The following MEGF11 variants were observed in gnomAD, a reference collection of about 807,000 sequenced individuals.
MEGF11 encodes multiple EGF like domains 11.
Under a neutral mutation model 146.6 loss-of-function variants are expected in MEGF11, and 126 were observed. The observed-to-expected ratio is 0.86, with a 90% CI of 0.74 to 1.00. The LOEUF is 1.00. Among genes scored for constraint, MEGF11 ranks in the 50% least tolerant of loss-of-function variants. The probability of loss-of-function intolerance (pLI) is 0.00; values close to 1 mark genes in which losing one functional copy is unlikely to be tolerated. For missense variants in MEGF11, 1,509 were observed against 1,521.2 expected (o/e 0.99, Z 0.13); for synonymous variants, 532 against 583.4 (o/e 0.91, Z 1.27).
At chr15:65,934,570 A>G (rs2079697473) in intron 10 of MEGF11, among the ~76,000 whole-genome samples, 1 of 152,158 alleles carries the variant, frequency 6.6e-6, no homozygotes, top group Non-Finnish European at 1.5e-5. Context: ...GTCGTTTTGT[A>G]TGCTAATGAC....
chr15:66,127,072 T>A (rs1369536229), intron 2 of MEGF11, among the ~76,000 whole-genome samples: 1 of 152,124 alleles, frequency 6.6e-6, no homozygotes, highest in Non-Finnish European at 1.5e-5. Context: ...CCCTTGATCC[T>A]CCAATGAGCC....
chr15:66,129,403 G>A (rs1461897958), intron 1 of MEGF11, among the ~76,000 whole-genome samples: 5 of 152,208 alleles, frequency 3.3e-5, no homozygotes, highest in Non-Finnish European at 5.9e-5. Flanking sequence ...TGAACGCTGC[G>A]ACTCAGAAAG....
chr15:66,051,151 C>T, intron 5 of MEGF11, among the ~76,000 whole-genome samples: 1 of 152,182 alleles, frequency 6.6e-6, no homozygotes. Flanking sequence ...ACAACAACCC[C>T]ACAAGTTAGG....
chr15:66,251,299 G>C (rs892174205), intron 1 of MEGF11, among the ~76,000 whole-genome samples: 1 of 152,206 alleles, frequency 6.6e-6, no homozygotes, highest in Non-Finnish European at 1.5e-5. Flanking sequence ...CCGAGGATCA[G>C]CTCCTAATCT....
intron 7 of MEGF11, among the ~76,000 whole-genome samples, chr15:65,974,889 G>A (rs371246824): frequency 2.6e-5 from 4 of 151,538 alleles, no homozygotes; most frequent in East Asian, 1.9e-4. Context: ...CTTGTTGCCC[G>A]GGCTGGAGTG....
intron 5 of MEGF11, among the ~76,000 whole-genome samples, chr15:66,022,400 G>A (rs1006283570): frequency 5.9e-5 from 9 of 152,246 alleles, no homozygotes; most frequent in African/African-American, 2.2e-4. Flanking sequence ...ACGTTTTTAA[G>A]AATCTGATGA....
chr15:66,109,411 G>T (rs960579523), intron 4 of MEGF11, among the ~76,000 whole-genome samples: 4 of 152,106 alleles, frequency 2.6e-5, no homozygotes, highest in African/African-American at 9.7e-5. Context: ...GCCAGACGAG[G>T]CCCTCCCTCA....
At chr15:66,157,139 C>G (rs2089789338) in intron 1 of MEGF11, among the ~76,000 whole-genome samples, 1 of 152,164 alleles carries the variant, frequency 6.6e-6, no homozygotes, top group African/African-American at 2.4e-5. Flanking sequence ...GTGCCAGCAG[C>G]TAACAGCTCC....
At chr15:66,060,002 C>G (rs2084836061) in intron 5 of MEGF11, among the ~76,000 whole-genome samples, 1 of 151,706 alleles carries the variant, frequency 6.6e-6, no homozygotes, top group Admixed American at 6.6e-5. Context: ...ACAGGTCAGG[C>G]AGTGGGTGGG....
intron 5 of MEGF11, among the ~76,000 whole-genome samples, chr15:65,985,386 G>A (rs540186183): frequency 6.6e-6 from 1 of 151,972 alleles, no homozygotes; most frequent in African/African-American, 2.4e-5. Context: ...ATACCACAGA[G>A]ACTAGCCACT....
chr15:65,966,885 G>T (rs55639636), intron 8 of MEGF11, among the ~76,000 whole-genome samples: 5 of 151,986 alleles, frequency 3.3e-5, no homozygotes, highest in Non-Finnish European at 5.9e-5. Flanking sequence ...TTTCCCAGAG[G>T]ATGCAGACTT....
Position 65,898,847 on chromosome 15 carries a change from A to T in MEGF11, c.3143T>A (p.Ile1048Asn), listed in dbSNP as rs753796967. Residue 1048 changes from isoleucine to asparagine, a missense_variant, in exon 25 of 26, where the codon ATC (isoleucine) becomes AAC (asparagine). Transcript: ENST00000395614. Reference sequence around the variant, plus strand: ...GCTTTCTGGAAGCTTGCAGGTGAGGATGGGTGGGTCCTTAATTGTGGCGTA... The same window carrying T: ...GCTTTCTGGAAGCTTGCAGGTGAGGTTGGGTGGGTCCTTAATTGTGGCGTA... ...NPYATIKDPP[I>N]LTCKLPESSY... 1.2e-6 allele frequency: 2 copies of T among 1,613,978 alleles called. No homozygotes were observed.
intron 1 of MEGF11, among the ~76,000 whole-genome samples, chr15:66,186,045 G>A (rs1234716118): frequency 6.6e-6 from 1 of 152,136 alleles, no homozygotes; most frequent in African/African-American, 2.4e-5. Flanking sequence ...GCAGCCCCAG[G>A]ACCTTCCTTC....
At chr15:66,082,458 AAAAAAAAAATCTATCTAT>A in intron 5 of MEGF11, among the ~76,000 whole-genome samples, 1 of 99,786 alleles carries the variant, frequency 1.0e-5, no homozygotes, top group Non-Finnish European at 2.0e-5. Context: ...AAAAAAAAAA[AAAAAAAAAATCTATCTAT>A]CTATCTATCT....
At chr15:66,031,059 G>A (rs2083497537) in intron 5 of MEGF11, among the ~76,000 whole-genome samples, 1 of 152,182 alleles carries the variant, frequency 6.6e-6, no homozygotes, top group Admixed American at 6.5e-5. Context: ...CAAATACCTT[G>A]TCCAAGCAGA....
rs1186063742 is a variant in MEGF11, at chr15:65,965,330, G to T, written c.900-210C>A. 3 of 487,528 alleles carry T rather than the reference G, an allele frequency of 6.2e-6. No homozygotes were observed. The South Asian group carries it at 1.2e-4, about 19-fold the overall frequency. The allele number at this position is 487,528 out of a possible 1,614,324, so 30.2% of individuals were successfully genotyped here. A position where few individuals can be genotyped will look rare whatever the true frequency, so the allele number is the denominator to read the frequency against. On this transcript the variant is annotated intron_variant, in intron 8 of 25. Transcript: ENST00000395614. Reference sequence around the variant, plus strand: ...TCATTTCTGCCTTTCATGCCAGGTCGGCTCAGTCCCCCCAGCAATGAGTTT... The same window carrying T: ...TCATTTCTGCCTTTCATGCCAGGTCTGCTCAGTCCCCCCAGCAATGAGTTT...
At chr15:66,248,548 C>T (rs1207384446) in intron 1 of MEGF11, among the ~76,000 whole-genome samples, 1 of 152,250 alleles carries the variant, frequency 6.6e-6, no homozygotes, top group Non-Finnish European at 1.5e-5. Flanking sequence ...TCACCAGGTA[C>T]AGGGGATATA....
At chr15:66,169,776 C>G (rs541968577) in intron 1 of MEGF11, among the ~76,000 whole-genome samples, 2 of 152,192 alleles carry the variant, frequency 1.3e-5, no homozygotes, top group African/African-American at 2.4e-5. Flanking sequence ...TTGGGTGAGA[C>G]GGCCAGCGCT....
chr15:66,009,629 G>C (rs1442308427), intron 5 of MEGF11, among the ~76,000 whole-genome samples: 1 of 147,168 alleles, frequency 6.8e-6, no homozygotes. Context: ...GTCTCGCTCT[G>C]TTGCCCAGGC....
Sources: allele counts gnomAD v4.1 joint callset (sites outside exome capture counted in the v4.1 genomes callset), GRCh38; gene constraint gnomAD v4.1.1; transcripts MANE v1.5; gene names NCBI Gene and HGNC (gene_info 2026-07-23, HGNC 2026-07-21).